The following ITSN1 variants were observed in gnomAD, a reference collection of about 807,000 sequenced individuals.
The protein encoded by ITSN1 is intersectin 1.
Under a neutral mutation model 239.8 loss-of-function variants are expected in ITSN1, and 58 were observed. The observed-to-expected ratio is 0.24, with a 90% CI of 0.20 to 0.30. The LOEUF (loss-of-function observed/expected upper bound fraction) is 0.30. ITSN1 is among the 10% of genes least tolerant of loss of function. The pLI is 1.00. For synonymous variants in ITSN1, 780 were observed against 770.8 expected (o/e 1.01, Z -0.20); for missense variants, 1,558 against 2,103.3 (o/e 0.74, Z 5.07).
intron 1 of ITSN1, among the ~76,000 whole-genome samples, chr21:33,655,399 A>C (rs1222118090): frequency 6.6e-6 from 1 of 152,038 alleles, no homozygotes; most frequent in East Asian, 1.9e-4. Flanking sequence ...AATTCTGTTC[A>C]AGTGTGTAGC....
intron 4 of ITSN1, among the ~76,000 whole-genome samples, chr21:33,734,519 G>A (rs1011457700): frequency 6.6e-6 from 1 of 152,116 alleles, no homozygotes; most frequent in Non-Finnish European, 1.5e-5. Flanking sequence ...GCATAAGTAG[G>A]TAGCATAGCA....
At chr21:33,659,499 C>T (rs1471171374) in intron 1 of ITSN1, among the ~76,000 whole-genome samples, 1 of 152,074 alleles carries the variant, frequency 6.6e-6, no homozygotes, top group African/African-American at 2.4e-5. Flanking sequence ...TCTGCACTAA[C>T]TCCGGTAGTG....
intron 29 of ITSN1, among the ~76,000 whole-genome samples, chr21:33,847,846 G>C (rs552404351): frequency 6.6e-6 from 1 of 152,194 alleles, no homozygotes; most frequent in African/African-American, 2.4e-5. Flanking sequence ...TTGATTTCCA[G>C]GCCATCTTTC....
At chr21:33,698,668 G>C (rs2091895077) in intron 1 of ITSN1, among the ~76,000 whole-genome samples, 1 of 152,190 alleles carries the variant, frequency 6.6e-6, no homozygotes, top group Non-Finnish European at 1.5e-5. Flanking sequence ...GGATTTGTCA[G>C]TTCCTTTGTC....
chr21:33,887,070 C>A (rs1469590171), intron 39 of ITSN1, among the ~76,000 whole-genome samples: 3 of 152,240 alleles, frequency 2.0e-5, no homozygotes, highest in South Asian at 2.1e-4. Context: ...GGAATCCCAA[C>A]ACTTTGGGAG....
intron 1 of ITSN1, among the ~76,000 whole-genome samples, chr21:33,666,941 G>A (rs2089968868): frequency 6.6e-6 from 1 of 152,086 alleles, no homozygotes; most frequent in Admixed American, 6.6e-5. Flanking sequence ...TGGGACTGCA[G>A]GGAGGCATTG....
At chr21:33,788,896 G>A (rs939756358) in intron 16 of ITSN1, among the ~76,000 whole-genome samples, 1 of 152,110 alleles carries the variant, frequency 6.6e-6, no homozygotes, top group African/African-American at 2.4e-5. Context: ...GGCTATGATC[G>A]TGCCTGTGAG....
intron 1 of ITSN1, among the ~76,000 whole-genome samples, chr21:33,659,394 C>A (rs1258783677): frequency 6.6e-6 from 1 of 151,998 alleles, no homozygotes; most frequent in African/African-American, 2.4e-5. Context: ...TTAGGGGAAC[C>A]CCTAAATTTG....
rs2072398885 is a variant in ITSN1 at position 33,805,960 on chromosome 21, T to C, written c.2319+3516T>C. ...GGCTCACGCCTGTAATCCCAGCACTTTGGGAGGCCGATGTGGGCGGATCAC... is the reference window on the plus strand; with the variant it reads ...GGCTCACGCCTGTAATCCCAGCACTCTGGGAGGCCGATGTGGGCGGATCAC... On this transcript the variant is annotated intron_variant, in intron 20 of 39. Coordinates refer to ENST00000381318, the MANE Select transcript of ITSN1 (RefSeq NM_003024.3). Among the ~76,000 whole-genome samples the C allele has an allele frequency of 2.9e-5, 4 of 139,824 alleles. No homozygotes were observed. The South Asian group carries it at 9.9e-4, about 35-fold the overall frequency. 91.7% of individuals were successfully genotyped at this position (139,824 alleles called of 152,430 possible). A position where few individuals can be genotyped will look rare whatever the true frequency, so the allele number is the denominator to read the frequency against.
At chr21:33,660,018 T>C (rs2089431778) in intron 1 of ITSN1, among the ~76,000 whole-genome samples, 1 of 152,120 alleles carries the variant, frequency 6.6e-6, no homozygotes, top group Admixed American at 6.5e-5. Context: ...CTGGATTCTA[T>C]CTGATGCTGA....
At chr21:33,750,498 A>G (rs1483765928) in intron 6 of ITSN1, among the ~76,000 whole-genome samples, 176 bp downstream of exon 6, 3 of 152,168 alleles carry the variant, frequency 2.0e-5, no homozygotes, top group Non-Finnish European at 4.4e-5. Flanking sequence ...TAAATGGGAT[A>G]TGTTAGTGTG....
chr21:33,858,859 GGGTCTGTGT>G (rs1979887826), intron 31 of ITSN1, 67 bp downstream of exon 31: 11 of 842,994 alleles, frequency 1.3e-5, no homozygotes, highest in Non-Finnish European at 2.2e-5. Context: ...GCACCTCTGT[GGGTCTGTGT>G]GTCCTTCTTG....
At chr21:33,756,845 CA>C (rs1418840535) in intron 8 of ITSN1, 1 of 152,218 alleles carries the variant, frequency 6.6e-6, no homozygotes, top group Non-Finnish European at 1.5e-5. Flanking sequence ...CAGCTCACTG[CA>C]ATCTCCACCT....
chr21:33,866,982 G>A (rs1981718943), intron 32 of ITSN1, among the ~76,000 whole-genome samples: 1 of 142,162 alleles, frequency 7.0e-6, no homozygotes. Flanking sequence ...ATGCCATGGA[G>A]GGTATGCTGA....
chr21:33,652,283 G>A (rs1390183647), intron 1 of ITSN1, among the ~76,000 whole-genome samples: 1 of 152,114 alleles, frequency 6.6e-6, no homozygotes, highest in African/African-American at 2.4e-5. Flanking sequence ...AGTTATTTAG[G>A]AGAATGTGGG....
Position 33,780,446 on chromosome 21 carries a change from T to G in ITSN1, c.1597-1015T>G, listed in dbSNP as rs561388096. On this transcript the variant is annotated intron_variant, in intron 14 of 39. Coordinates refer to ENST00000381318, the MANE Select transcript of ITSN1 (RefSeq NM_003024.3). ...GATAAGTCAGATCTGATTTGTGTAT[T>G]CTGTTTTATCAAGATTTTTTTTTCT... Among the ~76,000 whole-genome samples, 123 of 152,328 alleles carry G rather than the reference T, an allele frequency of 8.1e-4. 1 individual carries two copies. The highest frequency in any genetic ancestry group is 2.3e-3 in the Admixed American group (35 of 15,294).
intron 33 of ITSN1, among the ~76,000 whole-genome samples, chr21:33,870,719 AG>A (rs1332577703): frequency 6.6e-6 from 1 of 152,174 alleles, no homozygotes; most frequent in East Asian, 1.9e-4. Flanking sequence ...TGAGGTCAGG[AG>A]TTCAAGACTA....
intron 1 of ITSN1, among the ~76,000 whole-genome samples, chr21:33,682,247 C>G (rs1346754005): frequency 6.8e-6 from 1 of 148,010 alleles, no homozygotes; most frequent in African/African-American, 2.5e-5. Flanking sequence ...TGGAGTTTCA[C>G]TCTTGTTGCC....
At position 33,895,523 on chromosome 21, in the gene ITSN1, ATG is replaced by A. The variant is rs368271242; in HGVS notation, c.*7233_*7234del. 0.064 allele frequency: 5,180 copies of A among 81,094 alleles called. 122 individuals are homozygous for A. The highest frequency in any genetic ancestry group is 0.11 in the African/African-American group (2,302 of 21,018). The allele number at this position is 81,094 out of a possible 1,614,324, so 5.0% of individuals were successfully genotyped here. ...TGTGCGTGCGCGTGTTTGTGTGTGCATGTGTGTGTGTCTACGTGTGTGTGCAC... is the reference window on the plus strand; with the variant it reads ...TGTGCGTGCGCGTGTTTGTGTGTGCATGTGTGTGTCTACGTGTGTGTGCAC... On this transcript the variant is annotated 3_prime_UTR_variant, in exon 40 of 40. Coordinates refer to ENST00000381318, the MANE Select transcript of ITSN1 (RefSeq NM_003024.3).
Sources: allele counts gnomAD v4.1 joint callset (sites outside exome capture counted in the v4.1 genomes callset), GRCh38; gene constraint gnomAD v4.1.1; transcripts MANE v1.5; gene names NCBI Gene and HGNC (gene_info 2026-07-23, HGNC 2026-07-21).